The following LTV1 variants were observed in gnomAD, a reference collection of about 807,000 sequenced individuals.
The protein encoded by LTV1 is protein LTV1 homolog.
A neutral mutation model predicts 59.9 loss-of-function variants in LTV1; 39 were observed. The observed-to-expected ratio is 0.65, with a 90% CI of 0.50 to 0.85. LTV1 has a LOEUF of 0.85. LTV1 is among the 40% of genes least tolerant of loss of function. LTV1 has a pLI of 0.00. For missense variants in LTV1, 493 were observed against 549.1 expected, an observed-to-expected ratio of 0.90 and a Z score of 1.02; for synonymous variants, 171 against 189.5, an observed-to-expected ratio of 0.90 and a Z score of 0.80.
At chr6:143,853,883 G>A (rs1311311884) in intron 4 of LTV1, among the ~76,000 whole-genome samples, 1 of 152,198 alleles carries the variant, frequency 6.6e-6, no homozygotes, top group Non-Finnish European at 1.5e-5. Context: ...TCGCATTGAT[G>A]TTCATCAGGG....
Position 143,862,697 on chromosome 6 carries a change from G to A in LTV1, c.1064-147G>A, listed in dbSNP as rs1239801788. On this transcript the variant is annotated intron_variant, in intron 8 of 10. Transcript: ENST00000367576. This position sits in a 1 kb window ranked among gnomAD's most constrained non-coding sequence, Gnocchi z 4.2. ...AAGAGTAATATTCCAATACTGAGTT[G>A]TAAGCAATTTATAAAACATTGATCA... is the stretch of plus-strand genomic sequence containing the variant. 1.9e-5 allele frequency: 12 copies of A among 624,492 alleles called. No individual in the cohort carries two copies. In the East Asian group the frequency reaches 3.3e-4, roughly 17 times the overall value. The allele number at this position is 624,492 out of a possible 1,614,324, so 38.7% of individuals were successfully genotyped here.
chr6:143,845,807 A>T lies in LTV1; in HGVS notation c.136-244A>T, dbSNP rs1776880620. Among the ~76,000 whole-genome samples the T allele has an allele frequency of 2.6e-5, 4 of 152,236 alleles. No homozygotes were observed. In the South Asian group the frequency reaches 8.3e-4, roughly 31 times the overall value. On this transcript the variant is annotated intron_variant, in intron 2 of 10. Transcript: ENST00000367576. ...TGTTATTTATTTTTATTGCCCTTTT[A>T]AAAGCATGAATGTTTTCATTCCATT...
Position 143,846,036 on chromosome 6 carries a change from C to A in LTV1, c.136-15C>A, listed in dbSNP as rs1319018086. The A allele has an allele frequency of 6.2e-7, 1 of 1,610,160 alleles. No homozygotes were observed. The highest frequency in any genetic ancestry group is 8.5e-7 in the Non-Finnish European group (1 of 1,178,410). ...ATAGATAGTGAAGAAAGTACTAATT[C>A]CATTTCGTTTATAGATAGACAATGA... On this transcript the variant is annotated splice_polypyrimidine_tract_variant and intron_variant, in intron 2 of 10. Coordinates refer to ENST00000367576, the MANE Select transcript of LTV1 (RefSeq NM_032860.5).
At chr6:143,861,053 T>C (rs922397681) in intron 7 of LTV1, among the ~76,000 whole-genome samples, 1 of 151,810 alleles carries the variant, frequency 6.6e-6, no homozygotes, top group Non-Finnish European at 1.5e-5. Context: ...CACACCACCA[T>C]GCCCAGCTAA....
chr6:143,847,141 G>A (rs997907639), intron 3 of LTV1, among the ~76,000 whole-genome samples: 43 of 152,140 alleles, frequency 2.8e-4, no homozygotes, highest in Non-Finnish European at 4.9e-4. Context: ...CTTTTGTAAC[G>A]CCCCAAATCC....
intron 4 of LTV1, among the ~76,000 whole-genome samples, chr6:143,856,032 A>G (rs987508051): frequency 3.3e-5 from 5 of 152,244 alleles, no homozygotes; most frequent in South Asian, 4.1e-4. Context: ...GTGTTTTTCA[A>G]CTTGGTTCCA....
At chr6:143,845,021 G>A (rs371387597) in intron 2 of LTV1, among the ~76,000 whole-genome samples, 3 of 152,192 alleles carry the variant, frequency 2.0e-5, no homozygotes, top group East Asian at 1.9e-4. Flanking sequence ...GCTACAATGC[G>A]GCATGATGTT....
At chr6:143,856,320 A>G (rs372387324) in intron 4 of LTV1, among the ~76,000 whole-genome samples, 2 of 152,134 alleles carry the variant, frequency 1.3e-5, no homozygotes, top group East Asian at 3.9e-4. Context: ...TGGTAATTCT[A>G]GTTAGCAATT....
Position 143,843,358 on chromosome 6 carries a change from TG to T in LTV1, c.-116del. ...GCTGGGTGACGTTATCGCCGGGTCC[TG>T]GGGCTGCACGTGTGGTGAGGCCTAC... is the stretch of plus-strand genomic sequence containing the variant. On this transcript the variant is annotated 5_prime_UTR_variant, in exon 1 of 11. Coordinates refer to ENST00000367576, the MANE Select transcript of LTV1 (RefSeq NM_032860.5). 2 of 1,254,562 alleles carry T rather than the reference TG, an allele frequency of 1.6e-6. No homozygotes were observed. Among genetic ancestry groups the T allele is most frequent in the Non-Finnish European group, 1.2e-6 (1 of 863,242 alleles). The allele number at this position is 1,254,562 out of a possible 1,614,324, so 77.7% of individuals were successfully genotyped here. A position where few individuals can be genotyped will look rare whatever the true frequency, so the allele number is the denominator to read the frequency against.
At position 143,857,777 on chromosome 6, in the gene LTV1, G is replaced by T; in HGVS notation, c.565G>T (p.Glu189Ter). ...IQKSENEDDS[E>*]WEDVDDEKGD... ...GAAATCTGAGAATGAAGATGACAGC[G>T]AGTGGGAAGATGTGGATGATGAGAA... Residue 189 changes from glutamate (E) to a stop codon, truncating the protein, a stop_gained, in exon 6 of 11, where the codon GAG (glutamate) becomes TAG (stop). Transcript: ENST00000367576. LOFTEE classifies it high-confidence loss of function. This position sits in a 1 kb window ranked among gnomAD's most constrained non-coding sequence, Gnocchi z 5.2. The T allele has an allele frequency of 6.2e-7, 1 of 1,614,082 alleles. No homozygotes were observed. Among genetic ancestry groups the T allele is most frequent in the Non-Finnish European group, 8.5e-7 (1 of 1,179,968 alleles).
At chr6:143,847,243 A>G (rs530720242) in intron 3 of LTV1, among the ~76,000 whole-genome samples, 9 of 152,360 alleles carry the variant, frequency 5.9e-5, no homozygotes, top group South Asian at 2.1e-4. Context: ...ACTTGCTTCT[A>G]TAACCTATTG....
Position 143,862,072 on chromosome 6 carries a change from T to C in LTV1, c.924-32T>C, listed in dbSNP as rs1777173760. 1.2e-6 allele frequency: 2 copies of C among 1,600,410 alleles called. No individual in the cohort carries two copies. The highest frequency in any genetic ancestry group is 2.7e-5 in the African/African-American group (2 of 74,202). On this transcript the variant is annotated intron_variant, in intron 7 of 10. Transcript: ENST00000367576. The surrounding 1 kb of genome is among the most constrained non-coding windows in gnomAD (Gnocchi z 4.2). ...TAATAATAGGTCATTTTTCCCCCTC[T>C]TGGTCTTCACTTTTAAAAACTCGTC... is the stretch of plus-strand genomic sequence containing the variant.
In LTV1 at chr6:143,850,634, A is replaced by G. The variant is rs991263335; in HGVS notation, c.397+416A>G. On this transcript the variant is annotated intron_variant, in intron 4 of 10. Transcript: ENST00000367576. ...GCCATCTACACATATATTGGGGGAA[A>G]TTTTTTATTTTTAATTTGTAGTACC... Among the ~76,000 whole-genome samples, 29 of 152,158 alleles carry G rather than the reference A, an allele frequency of 1.9e-4. 1 individual carries two copies. The highest frequency in any genetic ancestry group is 5.9e-5 in the Non-Finnish European group (4 of 68,020).
intron 6 of LTV1, among the ~76,000 whole-genome samples, chr6:143,859,961 G>A (rs570519407): frequency 6.6e-6 from 1 of 152,066 alleles, no homozygotes; most frequent in African/African-American, 2.4e-5. Context: ...AAAATGGCCT[G>A]GTATGGTGGC....
chr6:143,849,596 A>G (rs1040610839), intron 3 of LTV1, among the ~76,000 whole-genome samples: 1 of 152,186 alleles, frequency 6.6e-6, no homozygotes, highest in African/African-American at 2.4e-5. Flanking sequence ...TGGGTTTATG[A>G]TGGAATATAC....
At chr6:143,847,613 G>A (rs987976205) in intron 3 of LTV1, among the ~76,000 whole-genome samples, 2 of 152,122 alleles carry the variant, frequency 1.3e-5, no homozygotes, top group African/African-American at 2.4e-5. Context: ...TGCCTGCCTC[G>A]GCCTCCCAAA....
chr6:143,858,077 CT>C (rs1777109141), intron 6 of LTV1, 70 bp downstream of exon 6: 17 of 1,458,468 alleles, frequency 1.2e-5, no homozygotes, highest in Non-Finnish European at 1.6e-5. Context: ...TACCTGTCAG[CT>C]TTAGCCCAGG....
At chr6:143,847,706 A>G (rs1776916521) in intron 3 of LTV1, among the ~76,000 whole-genome samples, 1 of 152,200 alleles carries the variant, frequency 6.6e-6, no homozygotes, top group South Asian at 2.1e-4. Context: ...AGTAAAAGCA[A>G]TCACTAATTG....
intron 3 of LTV1, among the ~76,000 whole-genome samples, chr6:143,847,576 G>A (rs1462909805): frequency 6.6e-6 from 1 of 152,184 alleles, no homozygotes; most frequent in African/African-American, 2.4e-5. Context: ...GGTCAGGCTG[G>A]TCTTGAACTC....
Sources: gnomAD v4.1 joint callset for allele counts (sites outside exome capture counted in the v4.1 genomes callset) on GRCh38, gnomAD v4.1.1 for gene constraint, Gnocchi (gnomAD v3.1) non-coding constraint, MANE v1.5 for transcripts, NCBI Gene and HGNC (gene_info 2026-07-23, HGNC 2026-07-21) for gene names.